The following NTN1 variants were observed in gnomAD, a reference collection of about 807,000 sequenced individuals.
NTN1 encodes netrin 1, also known as netrin-1.
In NTN1, 11 loss-of-function variants were observed where a neutral mutation model predicts 54.2. That is an observed-to-expected ratio of 0.20 (90% CI 0.13 to 0.34). NTN1 has a LOEUF of 0.34. Among genes scored for constraint, NTN1 ranks in the 10% least tolerant of loss-of-function variants. NTN1 has a pLI of 1.00. For synonymous variants in NTN1, 371 were observed against 382.0 expected, an observed-to-expected ratio of 0.97 and a Z score of 0.33; for missense variants, 740 against 893.1, an observed-to-expected ratio of 0.83 and a Z score of 2.18.
intron 2 of NTN1, among the ~76,000 whole-genome samples, chr17:9,043,445 C>G (rs1231764638): frequency 6.6e-6 from 1 of 152,192 alleles, no homozygotes; most frequent in African/African-American, 2.4e-5. Context: ...AGTCACAGAG[C>G]TGCAAAACCC....
chr17:9,149,179 C>G (rs2092321076), intron 2 of NTN1, among the ~76,000 whole-genome samples: 1 of 152,062 alleles, frequency 6.6e-6, no homozygotes, highest in Non-Finnish European at 1.5e-5. Flanking sequence ...GCTGGCAAAT[C>G]AGCCCTCATA....
chr17:9,048,073 A>G (rs969465627), intron 2 of NTN1, among the ~76,000 whole-genome samples: 1 of 152,226 alleles, frequency 6.6e-6, no homozygotes, highest in African/African-American at 2.4e-5. Flanking sequence ...GCCAAGATTC[A>G]TCAGAGGAAT....
chr17:9,108,254 C>T (rs1470824844), intron 2 of NTN1, among the ~76,000 whole-genome samples: 1 of 152,176 alleles, frequency 6.6e-6, no homozygotes, highest in Non-Finnish European at 1.5e-5. Flanking sequence ...ATCACCAAGG[C>T]TGCTACAATC....
At chr17:9,197,658 CAAA>C (rs112690206) in intron 5 of NTN1, among the ~76,000 whole-genome samples, 4 of 79,942 alleles carry the variant, frequency 5.0e-5, no homozygotes, top group African/African-American at 4.8e-5. Flanking sequence ...AGACTCTGTC[CAAA>C]AAAAAAAAAA....
intron 2 of NTN1, among the ~76,000 whole-genome samples, chr17:9,160,248 C>A (rs111658633): frequency 6.6e-6 from 1 of 151,944 alleles, no homozygotes; most frequent in African/African-American, 2.4e-5. Flanking sequence ...GGATTACAGG[C>A]GCAAACCACC....
chr17:9,059,351 C>A (rs2091989030), intron 2 of NTN1, among the ~76,000 whole-genome samples: 1 of 152,258 alleles, frequency 6.6e-6, no homozygotes, highest in Admixed American at 6.5e-5. Context: ...GGTATTCAGA[C>A]AACTACTTGT....
chr17:9,029,890 G>A (rs755895562), intron 2 of NTN1, among the ~76,000 whole-genome samples: 1 of 151,982 alleles, frequency 6.6e-6, no homozygotes, highest in Non-Finnish European at 1.5e-5. Flanking sequence ...TACTTGGGAG[G>A]CCGAGGCAGG....
intron 2 of NTN1, among the ~76,000 whole-genome samples, chr17:9,074,834 G>A (rs2142218910): frequency 6.6e-6 from 1 of 152,318 alleles, no homozygotes; most frequent in East Asian, 1.9e-4. Context: ...GGGAAATTCA[G>A]GAGTCCCCAA....
chr17:9,062,887 A>T (rs1043091188), intron 2 of NTN1, among the ~76,000 whole-genome samples: 7 of 150,986 alleles, frequency 4.6e-5, no homozygotes, highest in Non-Finnish European at 1.0e-4. Context: ...GTAAAAAAAA[A>T]TAATAATAAT....
chr17:9,020,497 C>T (rs1426111114), upstream of NTN1, among the ~76,000 whole-genome samples: 3 of 152,320 alleles, frequency 2.0e-5, no homozygotes, highest in South Asian at 6.2e-4. Flanking sequence ...TGACGAATGC[C>T]CTGCAGTGGA....
chr17:9,060,974 CAAAAA>C (rs10689277), intron 2 of NTN1, among the ~76,000 whole-genome samples: 4 of 108,808 alleles, frequency 3.7e-5, no homozygotes, highest in African/African-American at 1.5e-4. Flanking sequence ...GACTCTGTCT[CAAAAA>C]AAAAAAAAAA....
intron 2 of NTN1, among the ~76,000 whole-genome samples, chr17:9,067,676 T>C (rs547361739): frequency 6.6e-6 from 1 of 152,310 alleles, no homozygotes; most frequent in South Asian, 2.1e-4. Flanking sequence ...TCCTCACTTC[T>C]TCAGTCGCCT....
intron 6 of NTN1, among the ~76,000 whole-genome samples, chr17:9,237,777 A>G (rs947113778): frequency 6.6e-6 from 1 of 152,160 alleles, no homozygotes; most frequent in Non-Finnish European, 1.5e-5. Flanking sequence ...AGGGGCACTC[A>G]GTTGCCACGG....
intron 5 of NTN1, among the ~76,000 whole-genome samples, chr17:9,194,078 A>C (rs1032182482): frequency 6.6e-6 from 1 of 151,926 alleles, no homozygotes; most frequent in Admixed American, 6.6e-5. Context: ...TCTACTAAAA[A>C]TACAAAAATC....
At chr17:9,047,412 A>T (rs191019253) in intron 2 of NTN1, among the ~76,000 whole-genome samples, 2 of 152,358 alleles carry the variant, frequency 1.3e-5, no homozygotes, top group East Asian at 3.9e-4. Context: ...AACAATGCTC[A>T]TAGCATCTTC....
At chr17:9,046,128 A>G (rs2091940660) in intron 2 of NTN1, among the ~76,000 whole-genome samples, 1 of 152,250 alleles carries the variant, frequency 6.6e-6, no homozygotes, top group Admixed American at 6.5e-5. Context: ...ATGGGGGAAA[A>G]TATTTGTAAA....
intron 2 of NTN1, among the ~76,000 whole-genome samples, chr17:9,151,830 CAGCACTCTGTAGCT>C (rs1333603116): frequency 2.0e-5 from 3 of 152,168 alleles, no homozygotes; most frequent in Non-Finnish European, 4.4e-5. Context: ...ACACACCAAT[CAGCACTCTGTAGCT>C]AGCAAGAGGA....
chr17:9,010,160 G>A, the NTN1 span, among the ~76,000 whole-genome samples: 9 of 152,314 alleles, frequency 5.9e-5, no homozygotes, highest in Non-Finnish European at 1.3e-4. Flanking sequence ...ATCTTAAGCT[G>A]TGGCTCTCCA....
chr17:9,099,130 G>A (rs1438710324), intron 2 of NTN1, among the ~76,000 whole-genome samples: 2 of 152,224 alleles, frequency 1.3e-5, no homozygotes, highest in Non-Finnish European at 2.9e-5. Flanking sequence ...TTGGCCGGGC[G>A]CAGTGGCGCA....
Sources: gnomAD v4.1 joint callset for allele counts (sites outside exome capture counted in the v4.1 genomes callset) on GRCh38, gnomAD v4.1.1 for gene constraint, MANE v1.5 for transcripts, NCBI Gene and HGNC (gene_info 2026-07-23, HGNC 2026-07-21) for gene names.